The following KCNK9 variants were observed in gnomAD, a reference collection of about 807,000 sequenced individuals.
KCNK9 encodes potassium channel subfamily K member 9.
KCNK9 carries 1 observed loss-of-function variant against 10.8 expected under a neutral mutation model. That is an observed-to-expected ratio of 0.09 (90% confidence interval 0.03 to 0.44). KCNK9 has a LOEUF of 0.44. KCNK9 is among the 20% of genes least tolerant of loss of function. KCNK9 has a pLI of 0.97. For missense variants in KCNK9, 303 were observed against 515.0 expected (o/e 0.59, Z 3.98); for synonymous variants, 231 against 222.7 (o/e 1.04, Z -0.33).
At chr8:139,689,058 T>A (rs933413493) in intron 1 of KCNK9, among the ~76,000 whole-genome samples, 4 of 152,074 alleles carry the variant, frequency 2.6e-5, no homozygotes, top group Non-Finnish European at 5.9e-5. Context: ...GAGAGGAGAT[T>A]AGGACCACAG....
intron 1 of KCNK9, among the ~76,000 whole-genome samples, chr8:139,692,731 A>G (rs1816958453): frequency 6.6e-6 from 1 of 152,092 alleles, no homozygotes; most frequent in Admixed American, 6.5e-5. Context: ...CAGCCCGGAT[A>G]AGCTCAGCCT....
downstream of KCNK9, among the ~76,000 whole-genome samples, chr8:139,610,334 A>C (rs1814382416): frequency 6.6e-6 from 1 of 152,248 alleles, no homozygotes; most frequent in Non-Finnish European, 1.5e-5. Flanking sequence ...CTTCAGTCCC[A>C]GAGGGCACAG....
intron 1 of KCNK9, among the ~76,000 whole-genome samples, chr8:139,654,017 A>C (rs1370186504): frequency 6.6e-6 from 1 of 152,256 alleles, no homozygotes; most frequent in Non-Finnish European, 1.5e-5. Context: ...CATGGGCCAC[A>C]CAAGTGGGTG....
At chr8:139,619,232 G>A (rs1814701398) in intron 1 of KCNK9, 133 bp from the exon 2 acceptor site, 5 of 991,740 alleles carry the variant, frequency 5.0e-6, no homozygotes, top group Non-Finnish European at 7.5e-6. Flanking sequence ...TCCTCTGCAG[G>A]GTAGAGGGGC....
At chr8:139,664,749 G>A (rs1228827752) in intron 1 of KCNK9, among the ~76,000 whole-genome samples, 1 of 152,184 alleles carries the variant, frequency 6.6e-6, no homozygotes, top group Non-Finnish European at 1.5e-5. Flanking sequence ...GCCCTCCAGG[G>A]TCTTGCCCAG....
chr8:139,694,214 A>G (rs1348459934), intron 1 of KCNK9, among the ~76,000 whole-genome samples: 1 of 152,196 alleles, frequency 6.6e-6, no homozygotes, highest in Non-Finnish European at 1.5e-5. Flanking sequence ...GAATTTGCCA[A>G]GAGTGGACAG....
At position 139,693,303 on chromosome 8, in the gene KCNK9, C is replaced by A. The variant is rs1213937192; in HGVS notation, c.283+9407G>T. ...GGCCTTGGGGACCAAGATCACACAT[C>A]TAAGCCTCAGGAGTGAGAAGCTCCC... On this transcript the variant is annotated intron_variant, in intron 1 of 1. Transcript: ENST00000520439. This position sits in a 1 kb window ranked among gnomAD's most constrained non-coding sequence, Gnocchi z 4.1. 6.6e-6 allele frequency among the ~76,000 whole-genome samples: 1 copy of A among 152,178 alleles called. No individual in the cohort carries two copies. Among genetic ancestry groups the A allele is most frequent in the Non-Finnish European group, 1.5e-5 (1 of 68,042 alleles).
At chr8:139,613,958 G>T (rs1007532945), downstream of KCNK9, among the ~76,000 whole-genome samples, 4 of 152,178 alleles carry the variant, frequency 2.6e-5, no homozygotes, top group Non-Finnish European at 4.4e-5. Flanking sequence ...TCTGCAGAGG[G>T]CTTCAAAGGG....
chr8:139,610,485 AT>A (rs1814386128), downstream of KCNK9, among the ~76,000 whole-genome samples: 5 of 152,210 alleles, frequency 3.3e-5, no homozygotes, highest in Admixed American at 3.3e-4. Context: ...CCAGCAGAAG[AT>A]TTCATCAAGA....
intron 1 of KCNK9, among the ~76,000 whole-genome samples, chr8:139,651,989 A>C (rs966792834): frequency 2.0e-5 from 3 of 152,058 alleles, no homozygotes; most frequent in Non-Finnish European, 4.4e-5. Context: ...AATGAGAAGC[A>C]CCTGACCTCC....
chr8:139,629,784 T>C lies in KCNK9; in HGVS notation c.284-10685A>G, dbSNP rs78942323. Among the ~76,000 whole-genome samples, 832 of 152,228 alleles carry C rather than the reference T, an allele frequency of 5.5e-3. 6 individuals are homozygous for C. Among genetic ancestry groups the C allele is most frequent in the African/African-American group, 0.018 (735 of 41,536 alleles). ...GAGAGAGACAGTGTCCCCATATCCC[T>C]TACTCTTCTCAGGAATCCTAAACCT... On this transcript the variant is annotated intron_variant, in intron 1 of 1. Coordinates refer to ENST00000520439, the MANE Select transcript of KCNK9 (RefSeq NM_001282534.2).
chr8:139,604,085 T>C (rs535553855), intron 2 of KCNK9, among the ~76,000 whole-genome samples: 2 of 152,192 alleles, frequency 1.3e-5, no homozygotes, highest in South Asian at 4.2e-4. Flanking sequence ...GTGAGACTAA[T>C]GTTTGGGGTA....
At chr8:139,682,907 G>T (rs752353735) in intron 1 of KCNK9, among the ~76,000 whole-genome samples, 8 of 151,400 alleles carry the variant, frequency 5.3e-5, no homozygotes, top group Non-Finnish European at 1.0e-4. Flanking sequence ...GCTCCTCTGT[G>T]TGCCCAGAAT....
intron 1 of KCNK9, among the ~76,000 whole-genome samples, chr8:139,638,766 C>T (rs1249965944): frequency 1.3e-5 from 2 of 152,204 alleles, no homozygotes; most frequent in East Asian, 1.9e-4. Context: ...GCTGGCTCAG[C>T]ACCCGCTGTG....
intron 1 of KCNK9, among the ~76,000 whole-genome samples, chr8:139,631,916 C>T (rs142608909): frequency 6.6e-6 from 1 of 152,278 alleles, no homozygotes; most frequent in African/African-American, 2.4e-5. Flanking sequence ...CTTGCAGGGT[C>T]TGAGAGGGAA....
chr8:139,636,884 G>A (rs552312659), intron 1 of KCNK9, among the ~76,000 whole-genome samples: 176 of 152,320 alleles, frequency 1.2e-3, no homozygotes, highest in African/African-American at 4.1e-3. Context: ...CATCCTGGTG[G>A]CCATGGAAGG....
At chr8:139,635,999 G>A (rs891068121) in intron 1 of KCNK9, among the ~76,000 whole-genome samples, 6 of 152,154 alleles carry the variant, frequency 3.9e-5, no homozygotes, top group Non-Finnish European at 8.8e-5. Flanking sequence ...AGGCTAAATA[G>A]GGAATCCGTT....
rs73727207 is a variant in KCNK9, at chr8:139,664,146, G to C, written c.283+38564C>G. 6.0e-3 allele frequency among the ~76,000 whole-genome samples: 911 copies of C among 152,322 alleles called. 7 individuals are homozygous for C. The highest frequency in any genetic ancestry group is 0.02 in the African/African-American group (840 of 41,566). ...CAGACAGGACAGACTGACCGGGAGG[G>C]GCAGAACCAGGGCTGTGATGTCTGA... On this transcript the variant is annotated intron_variant, in intron 1 of 1. Transcript: ENST00000520439.
intron 1 of KCNK9, among the ~76,000 whole-genome samples, chr8:139,656,705 C>A (rs964807833): frequency 2.0e-5 from 3 of 152,226 alleles, no homozygotes; most frequent in African/African-American, 2.4e-5. Flanking sequence ...TCTTCAATGA[C>A]CATGGTTGTC....
Sources: allele counts gnomAD v4.1 joint callset (sites outside exome capture counted in the v4.1 genomes callset), GRCh38; gene constraint gnomAD v4.1.1; non-coding constraint Gnocchi (gnomAD v3.1); transcripts MANE v1.5; gene names NCBI Gene and HGNC (gene_info 2026-07-23, HGNC 2026-07-21).